Variants in CCDC122 observed in about 807,000 individuals in gnomAD.
CCDC122 encodes coiled-coil domain-containing protein 122.
Under a neutral mutation model 37.0 loss-of-function variants are expected in CCDC122, and 38 were observed. The observed-to-expected ratio is 1.03, with a 90% CI of 0.79 to 1.35. CCDC122 has a LOEUF of 1.35. Ranked by LOEUF, CCDC122 falls within the 40% of genes most tolerant of loss-of-function variation. CCDC122 has a pLI of 0.00. For missense variants in CCDC122, 305 were observed against 310.0 expected (o/e 0.98, Z 0.12); for synonymous variants, 83 against 95.6 (o/e 0.87, Z 0.77).
chr13:43,876,437 C>T (rs1356324563), intron 1 of CCDC122, among the ~76,000 whole-genome samples: 1 of 152,192 alleles, frequency 6.6e-6, no homozygotes, highest in Non-Finnish European at 1.5e-5. Context: ...TCTCTGCCCT[C>T]AAAACACTCT....
At chr13:43,839,387 C>T (rs7320988) in intron 6 of CCDC122, among the ~76,000 whole-genome samples, 78,708 of 151,950 alleles carry the variant, frequency 0.52, 20,804 homozygotes, top group Middle Eastern at 0.62. Flanking sequence ...AGCATAATGG[C>T]TTTTAAAGGG....
At chr13:43,861,085 C>A (rs374089098) in intron 4 of CCDC122, among the ~76,000 whole-genome samples, 7 of 152,278 alleles carry the variant, frequency 4.6e-5, no homozygotes, top group African/African-American at 1.7e-4. Flanking sequence ...ATTGAATCTG[C>A]CCAAGTGTCT....
chr13:43,872,981 C>T (rs1310496326), intron 2 of CCDC122, among the ~76,000 whole-genome samples: 1 of 152,132 alleles, frequency 6.6e-6, no homozygotes, highest in Non-Finnish European at 1.5e-5. Flanking sequence ...CTATGAGCTC[C>T]ACATTGCCAC....
At chr13:43,843,444 C>T (rs1020751410) in intron 6 of CCDC122, among the ~76,000 whole-genome samples, 2 of 152,034 alleles carry the variant, frequency 1.3e-5, no homozygotes, top group East Asian at 3.9e-4. Flanking sequence ...TGGTATATTG[C>T]TAAATTTAAT....
downstream of CCDC122, among the ~76,000 whole-genome samples, chr13:43,832,036 T>G (rs1456608449): frequency 1.3e-5 from 2 of 151,942 alleles, no homozygotes; most frequent in Non-Finnish European, 2.9e-5. Context: ...TTTCTTGGTT[T>G]TGGTCATAGT....
chr13:43,843,933 A>C (rs1348568031), intron 6 of CCDC122, among the ~76,000 whole-genome samples: 1 of 151,506 alleles, frequency 6.6e-6, no homozygotes, highest in Non-Finnish European at 1.5e-5. Flanking sequence ...TGTCCCTACT[A>C]ATCTCTCTCT....
chr13:43,855,014 A>G (rs1404567891), intron 6 of CCDC122: 2 of 152,178 alleles, frequency 1.3e-5, no homozygotes, highest in Non-Finnish European at 2.9e-5. Context: ...CCCACAGCCA[A>G]CATCATACTC....
chr13:43,821,060 G>A (rs562923578), downstream of CCDC122, among the ~76,000 whole-genome samples: 23 of 152,212 alleles, frequency 1.5e-4, no homozygotes, highest in Non-Finnish European at 2.4e-4. Flanking sequence ...GGATAAGCCA[G>A]TAAGAAAAAT....
At position 43,837,552 on chromosome 13, in the gene CCDC122, T is replaced by G; in HGVS notation, c.673-123A>C. On this transcript the variant is annotated intron_variant, in intron 6 of 6. Coordinates refer to ENST00000444614, the MANE Select transcript of CCDC122 (RefSeq NM_144974.5). ...ATTAGAAACTATCCACTATAAATAATTATGATAAAAATAAACAGTAATTGT... is the reference window on the plus strand; with the variant it reads ...ATTAGAAACTATCCACTATAAATAAGTATGATAAAAATAAACAGTAATTGT... 4.0e-6 allele frequency: 3 copies of G among 756,276 alleles called. No individual in the cohort carries two copies. In the African/African-American group the frequency reaches 5.7e-5, roughly 14 times the overall value. 46.8% of individuals were successfully genotyped at this position (756,276 alleles called of 1,614,324 possible).
At chr13:43,862,329 G>T (rs1954133437) in intron 4 of CCDC122, among the ~76,000 whole-genome samples, 1 of 151,832 alleles carries the variant, frequency 6.6e-6, no homozygotes, top group African/African-American at 2.4e-5. Context: ...ATTATTGTTT[G>T]GTCTACTTTA....
Position 43,830,882 on chromosome 13 carries a change from AT to A in CCDC122, n.602-6872del, listed in dbSNP as rs1953082995. ...AGGGACTGAAAAAGCTAAGGTCTGA[AT>A]GAGGAAGCTGCATTTTTTATTAAAA... On this transcript the variant is annotated intron_variant and non_coding_transcript_variant, in intron 3 of 3. Transcript: ENST00000470137. Among the ~76,000 whole-genome samples, 5 of 152,302 alleles carry A rather than the reference AT, an allele frequency of 3.3e-5. No homozygotes were observed. The South Asian group carries it at 1.0e-3, about 32-fold the overall frequency.
chr13:43,820,112 T>C (rs9533628), downstream of CCDC122, among the ~76,000 whole-genome samples: 4,015 of 152,300 alleles, frequency 0.026, 73 homozygotes, highest in Middle Eastern at 0.041. Context: ...ATGTAATCTT[T>C]GACTTGAAAA....
At chr13:43,834,152 C>G (rs926133274), downstream of CCDC122, among the ~76,000 whole-genome samples, 4 of 152,066 alleles carry the variant, frequency 2.6e-5, no homozygotes, top group Admixed American at 1.3e-4. Flanking sequence ...AGAAATAATG[C>G]CGCATATCTA....
In CCDC122 at chr13:43,854,653, A is replaced by G. The variant is rs796440317; in HGVS notation, c.672+4128T>C. ...AGGCCAGAATCATCCTGATACCAAA[A>G]CCCGAAAGAGACATAACAAAAAGGA... On this transcript the variant is annotated intron_variant, in intron 6 of 6. Coordinates refer to ENST00000444614, the MANE Select transcript of CCDC122 (RefSeq NM_144974.5). The G allele has an allele frequency of 2.0e-5, 3 of 152,194 alleles. No individual in the cohort carries two copies. The South Asian group carries it at 6.2e-4, about 32-fold the overall frequency. 9.4% of individuals were successfully genotyped at this position (152,194 alleles called of 1,614,324 possible). A position where few individuals can be genotyped will look rare whatever the true frequency, so the allele number is the denominator to read the frequency against.
intron 3 of CCDC122, among the ~76,000 whole-genome samples, chr13:43,869,030 CG>C (rs1270181777): frequency 6.6e-6 from 1 of 151,974 alleles, no homozygotes; most frequent in Non-Finnish European, 1.5e-5. Context: ...CGTTCCTCTA[CG>C]GAACAGTATA....
intron 4 of CCDC122, among the ~76,000 whole-genome samples, chr13:43,862,621 T>C (rs1954143910): frequency 6.6e-6 from 1 of 152,066 alleles, no homozygotes; most frequent in African/African-American, 2.4e-5. Context: ...ACCACCATCT[T>C]CCCACTGCTT....
At chr13:43,877,823 C>G (rs1169939391) in intron 1 of CCDC122, 1 of 152,060 alleles carries the variant, frequency 6.6e-6, no homozygotes, top group Admixed American at 6.5e-5. Context: ...AACAAAAAAG[C>G]AAAGCAAAAC....
In CCDC122 at chr13:43,857,449, A is replaced by AGTGTGT. The variant is rs60383575; in HGVS notation, c.672+1326_672+1331dup. ...TCCTATGTTGTATTCAATACTTAGA[A>AGTGTGT]GTGTGTGTGTGTGTGTGTGTGTGTG... On this transcript the variant is annotated intron_variant, in intron 6 of 6. Coordinates refer to ENST00000444614, the MANE Select transcript of CCDC122 (RefSeq NM_144974.5). 3.9e-3 allele frequency among the ~76,000 whole-genome samples: 587 copies of AGTGTGT among 149,704 alleles called. 5 individuals are homozygous for AGTGTGT. Among genetic ancestry groups the AGTGTGT allele is most frequent in the African/African-American group, 0.013 (534 of 40,636 alleles).
chr13:43,861,349 T>TA (rs1246718836), intron 4 of CCDC122, among the ~76,000 whole-genome samples: 3 of 152,162 alleles, frequency 2.0e-5, no homozygotes, highest in African/African-American at 7.2e-5. Flanking sequence ...GTCCATCCAT[T>TA]ATGGGAAAGC....
Sources: gnomAD v4.1 joint callset for allele counts (sites outside exome capture counted in the v4.1 genomes callset) on GRCh38, gnomAD v4.1.1 for gene constraint, MANE v1.5 for transcripts, NCBI Gene and HGNC (gene_info 2026-07-23, HGNC 2026-07-21) for gene names.